The following TMEM181 variants were observed in gnomAD, a reference collection of about 807,000 sequenced individuals.
TMEM181 encodes the protein G protein-coupled receptor 178.
A neutral mutation model predicts 71.9 loss-of-function variants in TMEM181; 39 were observed. That is an observed-to-expected ratio of 0.54 (90% confidence interval 0.42 to 0.71). The LOEUF is 0.71. TMEM181 is among the 30% of genes least tolerant of loss of function. TMEM181 has a pLI of 0.00. For missense variants in TMEM181, 595 were observed against 583.0 expected (o/e 1.02, Z -0.21); for synonymous variants, 245 against 228.8 (o/e 1.07, Z -0.64).
At chr6:158,574,414 A>G (rs1476878047) in intron 2 of TMEM181, among the ~76,000 whole-genome samples, 1 of 152,190 alleles carries the variant, frequency 6.6e-6, no homozygotes, top group African/African-American at 2.4e-5. Flanking sequence ...TACATTAATT[A>G]CAGCACAAGA....
intron 7 of TMEM181, among the ~76,000 whole-genome samples, chr6:158,606,813 G>C (rs796680770): frequency 1.3e-5 from 2 of 152,194 alleles, no homozygotes; most frequent in African/African-American, 2.4e-5. Flanking sequence ...CAGTTGCGCT[G>C]CCGGGAACAT....
Position 158,625,747 on chromosome 6 carries a change from G to T in TMEM181, c.1102G>T (p.Val368Phe). 1 of 1,610,396 alleles carries T rather than the reference G, an allele frequency of 6.2e-7. No homozygotes were observed. The highest frequency in any genetic ancestry group is 8.5e-7 in the Non-Finnish European group (1 of 1,179,134). The change falls in exon 13 of 17, where the codon GTC (valine) becomes TTC (phenylalanine). Residue 368 changes from valine (V) to phenylalanine (F), a missense_variant. Physicochemically the swap from Val to Phe is conservative, Grantham distance 50. Transcript: ENST00000684151. The part of the protein sequence containing the change: ...FLTALTFVVL[V>F]ISIAILYLRF... ...GACTGCATTGACTTTCGTAGTACTT[G>T]TCATTAGGTAAGAAGACCTTATTTC...
intron 5 of TMEM181, among the ~76,000 whole-genome samples, chr6:158,585,836 T>C (rs1360046645): frequency 6.6e-6 from 1 of 152,212 alleles, no homozygotes; most frequent in African/African-American, 2.4e-5. Flanking sequence ...TTGTTTTATT[T>C]TGTTTAGAGA....
intron 1 of TMEM181, among the ~76,000 whole-genome samples, chr6:158,563,296 A>G (rs1782291302): frequency 6.6e-6 from 1 of 152,184 alleles, no homozygotes; most frequent in Non-Finnish European, 1.5e-5. Flanking sequence ...GGCAAGTGCC[A>G]CCATGCCCGG....
intron 1 of TMEM181, among the ~76,000 whole-genome samples, chr6:158,552,779 A>G (rs1293314910): frequency 6.6e-6 from 1 of 152,236 alleles, no homozygotes; most frequent in Non-Finnish European, 1.5e-5. Flanking sequence ...GATGAACCTG[A>G]GAAGCTTTAA....
chr6:158,547,143 G>A lies in TMEM181; in HGVS notation c.131+10278G>A, dbSNP rs145070274. 2.4e-3 allele frequency among the ~76,000 whole-genome samples: 365 copies of A among 152,296 alleles called. 4 individuals are homozygous for A. The highest frequency in any genetic ancestry group is 4.6e-3 in the Admixed American group (71 of 15,296). On this transcript the variant is annotated intron_variant, in intron 1 of 16. Coordinates refer to the TMEM181 transcript ENST00000367090. ...CAAAAAACACAGGAATTAGCTGGCC[G>A]TGGTGGCATGTGCCTGTAGTCCCAG... is the stretch of plus-strand genomic sequence containing the variant.
intron 11 of TMEM181, among the ~76,000 whole-genome samples, chr6:158,624,116 C>A (rs983097075): frequency 6.6e-6 from 1 of 152,198 alleles, no homozygotes; most frequent in Non-Finnish European, 1.5e-5. Context: ...GTGGCTGACG[C>A]AGTTTGAGGC....
intron 1 of TMEM181, among the ~76,000 whole-genome samples, chr6:158,568,595 C>T (rs1056869414): frequency 5.9e-5 from 9 of 152,072 alleles, no homozygotes; most frequent in Admixed American, 1.3e-4. Context: ...TTAGAAATAT[C>T]CTCCCTTGGG....
At chr6:158,621,491 C>G (rs1785952425) in intron 10 of TMEM181, 1 of 205,918 alleles carries the variant, frequency 4.9e-6, no homozygotes, top group Non-Finnish European at 1.1e-5. Context: ...TTGGGGCTAC[C>G]AGCCCGTCCT....
chr6:158,599,956 G>A (rs991066921), intron 6 of TMEM181, among the ~76,000 whole-genome samples: 27 of 152,144 alleles, frequency 1.8e-4, no homozygotes, highest in African/African-American at 5.3e-4. Flanking sequence ...GGCTTTTCCC[G>A]GAACCAGGAG....
intron 1 of TMEM181, among the ~76,000 whole-genome samples, chr6:158,562,822 C>T (rs1398026999): frequency 3.3e-5 from 5 of 152,214 alleles, no homozygotes; most frequent in African/African-American, 7.2e-5. Context: ...CAAGTGCCGT[C>T]GTAAGCACCT....
At chr6:158,566,203 G>A (rs1267863331) in intron 1 of TMEM181, among the ~76,000 whole-genome samples, 2 of 152,050 alleles carry the variant, frequency 1.3e-5, no homozygotes, top group African/African-American at 2.4e-5. Context: ...CATGTGTGAG[G>A]TACCTGCTTG....
chr6:158,597,066 A>G (rs1784422642), intron 6 of TMEM181, among the ~76,000 whole-genome samples: 1 of 152,124 alleles, frequency 6.6e-6, no homozygotes, highest in Non-Finnish European at 1.5e-5. Context: ...TGCTGAGCAG[A>G]TGTCTAGATG....
chr6:158,630,578 G>A (rs572873386), intron 15 of TMEM181, among the ~76,000 whole-genome samples: 140 of 152,218 alleles, frequency 9.2e-4, no homozygotes, highest in African/African-American at 3.3e-3. Flanking sequence ...GGCAGAATAG[G>A]CTAAGCTGCA....
Position 158,620,510 on chromosome 6 carries a change from G to A in TMEM181, c.897-3040G>A, listed in dbSNP as rs920584004. 4.6e-5 allele frequency among the ~76,000 whole-genome samples: 7 copies of A among 152,214 alleles called. No homozygotes were observed. Among genetic ancestry groups the A allele is most frequent in the Admixed American group, 2.0e-4 (3 of 15,284 alleles). On this transcript the variant is annotated intron_variant, in intron 10 of 16. Coordinates refer to ENST00000684151, the MANE Select transcript of TMEM181 (RefSeq NM_001376852.1). This position sits in a 1 kb window ranked among gnomAD's most constrained non-coding sequence, Gnocchi z 4.5. Reference sequence around the variant, plus strand: ...CGTGAGGAAGAGAGAGGGAGAGGGAGAGAGAAAGAAGAGGGAGAAAGAGGG... The same window carrying A: ...CGTGAGGAAGAGAGAGGGAGAGGGAAAGAGAAAGAAGAGGGAGAAAGAGGG...
At chr6:158,548,075 G>A (rs1205104857) in intron 1 of TMEM181, among the ~76,000 whole-genome samples, 1 of 152,098 alleles carries the variant, frequency 6.6e-6, no homozygotes, top group Non-Finnish European at 1.5e-5. Context: ...GCTCCCCAGG[G>A]CTGCTTGAGG....
intron 4 of TMEM181, 118 bp downstream of exon 4, chr6:158,584,162 C>G: frequency 2.5e-6 from 2 of 785,108 alleles, no homozygotes; most frequent in Non-Finnish European, 3.9e-6. Context: ...ATAAGGATGT[C>G]CATTATTATT....
At chr6:158,585,784 C>T (rs1783733425) in intron 5 of TMEM181, among the ~76,000 whole-genome samples, 1 of 152,170 alleles carries the variant, frequency 6.6e-6, no homozygotes, top group African/African-American at 2.4e-5. Flanking sequence ...GGGCTGCCTC[C>T]TCATACGAAC....
At chr6:158,541,885 A>T (rs1403857916) in intron 1 of TMEM181, among the ~76,000 whole-genome samples, 1 of 144,342 alleles carries the variant, frequency 6.9e-6, no homozygotes, top group African/African-American at 2.6e-5. Context: ...CCCTGATGAG[A>T]CTGGGATTTT....
Sources: allele counts gnomAD v4.1 joint callset (sites outside exome capture counted in the v4.1 genomes callset), GRCh38; gene constraint gnomAD v4.1.1; non-coding constraint Gnocchi (gnomAD v3.1); transcripts MANE v1.5; gene names NCBI Gene and HGNC (gene_info 2026-07-23, HGNC 2026-07-21).